Variants in PCDH9 observed in about 807,000 individuals in gnomAD.
PCDH9 encodes protocadherin-9.
Under a neutral mutation model 70.6 loss-of-function variants are expected in PCDH9, and 24 were observed. That is an observed-to-expected ratio of 0.34 (90% CI 0.25 to 0.48). PCDH9 has a LOEUF of 0.48. Among genes scored for constraint, PCDH9 ranks in the 20% least tolerant of loss-of-function variants. The pLI, the probability that PCDH9 is intolerant of heterozygous loss-of-function variation, is 0.99. For missense variants in PCDH9, 1,281 were observed against 1,503.6 expected, an observed-to-expected ratio of 0.85 and a Z score of 2.45; for synonymous variants, 562 against 558.5, an observed-to-expected ratio of 1.01 and a Z score of -0.09.
At chr13:66,346,030 G>A (rs1956207905) in intron 4 of PCDH9, among the ~76,000 whole-genome samples, 1 of 152,104 alleles carries the variant, frequency 6.6e-6, no homozygotes. Flanking sequence ...ATGGTAAATA[G>A]CTAATGGAAA....
At chr13:67,038,451 A>G (rs2085051025) in intron 2 of PCDH9, among the ~76,000 whole-genome samples, 1 of 152,204 alleles carries the variant, frequency 6.6e-6, no homozygotes, top group African/African-American at 2.4e-5. Flanking sequence ...ATGTATATGT[A>G]TTTAGGATTT....
At chr13:66,403,330 A>G (rs1957223024) in intron 4 of PCDH9, among the ~76,000 whole-genome samples, 1 of 151,326 alleles carries the variant, frequency 6.6e-6, no homozygotes, top group Non-Finnish European at 1.5e-5. Flanking sequence ...TTTTTTTTGT[A>G]GAGATTGTGT....
chr13:67,174,669 G>A (rs2088398809), intron 2 of PCDH9, among the ~76,000 whole-genome samples: 1 of 152,050 alleles, frequency 6.6e-6, no homozygotes, highest in African/African-American at 2.4e-5. Flanking sequence ...TGTTTAATGA[G>A]TCATTGTAAA....
chr13:66,341,166 A>G lies in PCDH9; in HGVS notation c.3341-36138T>C, dbSNP rs572808199. 2.5e-4 allele frequency among the ~76,000 whole-genome samples: 38 copies of G among 152,100 alleles called. 1 individual carries two copies. Among genetic ancestry groups the G allele is most frequent in the Admixed American group, 2.5e-3 (38 of 15,256 alleles). On this transcript the variant is annotated intron_variant, in intron 4 of 4. Coordinates refer to ENST00000377865, the MANE Select transcript of PCDH9 (RefSeq NM_203487.3). ...TGAGACACAGTCTCACTCATGACTC[A>G]CTGAAGCCTGAACTCTCCTGGGCTC...
intron 4 of PCDH9, among the ~76,000 whole-genome samples, chr13:66,426,809 T>C (rs1191272982): frequency 1.3e-5 from 2 of 151,594 alleles, no homozygotes; most frequent in Non-Finnish European, 3.0e-5. Context: ...TAGATATAGA[T>C]ATTTTTTCTT....
intron 4 of PCDH9, among the ~76,000 whole-genome samples, chr13:66,338,743 A>AC (rs1332178916): frequency 1.3e-5 from 2 of 151,986 alleles, no homozygotes; most frequent in African/African-American, 2.4e-5. Flanking sequence ...ATGGATGTAC[A>AC]CATAACTGAC....
chr13:66,604,339 T>G (rs1057018719), intron 4 of PCDH9, among the ~76,000 whole-genome samples: 2 of 152,122 alleles, frequency 1.3e-5, no homozygotes, highest in Non-Finnish European at 2.9e-5. Context: ...AAAAATATTA[T>G]ACATATAATT....
chr13:66,702,963 A>T (rs1192100566), intron 3 of PCDH9, among the ~76,000 whole-genome samples: 1 of 152,208 alleles, frequency 6.6e-6, no homozygotes. Flanking sequence ...AAATGCCAAA[A>T]ATATATATTG....
chr13:66,352,623 GC>G (rs1956310363), intron 4 of PCDH9, among the ~76,000 whole-genome samples: 1 of 152,008 alleles, frequency 6.6e-6, no homozygotes, highest in Non-Finnish European at 1.5e-5. Flanking sequence ...CAGATCACTT[GC>G]CCCACCCTTT....
chr13:66,628,148 T>C (rs1428627476), intron 4 of PCDH9, among the ~76,000 whole-genome samples: 3 of 152,218 alleles, frequency 2.0e-5, no homozygotes, highest in Non-Finnish European at 2.9e-5. Flanking sequence ...ACAAAACTTG[T>C]CTGTCCATTT....
At chr13:66,788,900 A>T (rs2080121959) in intron 3 of PCDH9, among the ~76,000 whole-genome samples, 1 of 152,058 alleles carries the variant, frequency 6.6e-6, no homozygotes. Context: ...TGACTAGCAC[A>T]TGTAGAATTG....
At chr13:66,846,112 G>T (rs1020266839) in intron 3 of PCDH9, among the ~76,000 whole-genome samples, 1 of 107,730 alleles carries the variant, frequency 9.3e-6, no homozygotes, top group Admixed American at 1.2e-4. Flanking sequence ...AACACACATA[G>T]ATAATGCAGG....
Position 67,050,839 on chromosome 13 carries a change from A to G in PCDH9, c.3037-147234T>C, listed in dbSNP as rs574561801. ...CATTTACATTCTCTCAGATTTCCAT[A>G]TTTCATATTGCTTCTTCTTCCCTAG... is the stretch of plus-strand genomic sequence containing the variant. On this transcript the variant is annotated intron_variant, in intron 2 of 4. Coordinates refer to ENST00000377865, the MANE Select transcript of PCDH9 (RefSeq NM_203487.3). Among the ~76,000 whole-genome samples the G allele has an allele frequency of 5.9e-5, 9 of 152,248 alleles. 1 individual carries two copies. The South Asian group carries it at 1.9e-3, about 32-fold the overall frequency.
intron 4 of PCDH9, among the ~76,000 whole-genome samples, chr13:66,536,504 T>C (rs908310243): frequency 1.3e-5 from 2 of 152,150 alleles, no homozygotes; most frequent in African/African-American, 4.8e-5. Context: ...AATTATCACA[T>C]ATCTGTGAGG....
chr13:66,335,075 AC>A (rs985042975), intron 4 of PCDH9, among the ~76,000 whole-genome samples: 8 of 152,030 alleles, frequency 5.3e-5, no homozygotes, highest in African/African-American at 1.2e-4. Flanking sequence ...TAGCCTTCAA[AC>A]CCTTGGTGTT....
At chr13:66,325,014 T>G (rs1955817962) in intron 4 of PCDH9, among the ~76,000 whole-genome samples, 1 of 151,870 alleles carries the variant, frequency 6.6e-6, no homozygotes, top group African/African-American at 2.4e-5. Flanking sequence ...TATCTAAAAT[T>G]TGACTAAGTT....
At chr13:67,058,187 TA>T (rs1398523020) in intron 2 of PCDH9, among the ~76,000 whole-genome samples, 5 of 152,300 alleles carry the variant, frequency 3.3e-5, no homozygotes, top group Admixed American at 6.5e-5. Context: ...TCTCAGTATG[TA>T]AATAAAGCTT....
At chr13:66,512,769 A>T (rs902017655) in intron 4 of PCDH9, among the ~76,000 whole-genome samples, 2 of 152,166 alleles carry the variant, frequency 1.3e-5, no homozygotes, top group East Asian at 3.9e-4. Flanking sequence ...TAGCAAAAAG[A>T]CACATGGACT....
intron 4 of PCDH9, among the ~76,000 whole-genome samples, chr13:66,497,528 C>T (rs1037395615): frequency 1.3e-5 from 2 of 152,220 alleles, no homozygotes; most frequent in South Asian, 4.1e-4. Flanking sequence ...TGAATTTATG[C>T]TAAAAAATCA....
Sources: gnomAD v4.1 joint callset for allele counts (sites outside exome capture counted in the v4.1 genomes callset) on GRCh38, gnomAD v4.1.1 for gene constraint, MANE v1.5 for transcripts, NCBI Gene and HGNC (gene_info 2026-07-23, HGNC 2026-07-21) for gene names.